Variants in NRCAM observed in about 807,000 individuals in gnomAD.
The protein encoded by NRCAM is neuronal cell adhesion molecule, also known as NgCAM-related cell adhesion molecule.
Under a neutral mutation model 156.5 loss-of-function variants are expected in NRCAM, and 83 were observed. The observed-to-expected ratio is 0.53, with a 90% CI of 0.44 to 0.64. The LOEUF is 0.64. Among genes scored for constraint, NRCAM ranks in the 30% least tolerant of loss-of-function variants. The pLI is 0.00. For synonymous variants in NRCAM, 538 were observed against 563.9 expected (o/e 0.95, Z 0.65); for missense variants, 1,417 against 1,597.3 (o/e 0.89, Z 1.92).
chr7:108,152,421 GGA>G (rs372928603), intron 32 of NRCAM, among the ~76,000 whole-genome samples: 11 of 151,014 alleles, frequency 7.3e-5, no homozygotes, highest in Non-Finnish European at 1.2e-4. Context: ...CTGGGGGGAG[GGA>G]GAGAGAGAGA....
chr7:108,170,462 C>T (rs1455125709), intron 28 of NRCAM, among the ~76,000 whole-genome samples: 3 of 152,154 alleles, frequency 2.0e-5, no homozygotes, highest in African/African-American at 4.8e-5. Flanking sequence ...GAGATAAATG[C>T]GTATCTGATT....
intron 32 of NRCAM, chr7:108,156,441 C>T (rs2045539392): frequency 1.0e-6 from 1 of 983,194 alleles, no homozygotes; most frequent in Admixed American, 6.2e-5. Flanking sequence ...GGATGCAGAT[C>T]CTACTGTCTG....
intron 11 of NRCAM, among the ~76,000 whole-genome samples, chr7:108,211,365 A>G (rs1316390958): frequency 6.6e-6 from 1 of 152,110 alleles, no homozygotes; most frequent in East Asian, 1.9e-4. Flanking sequence ...AACAATTTGA[A>G]CCAGACGAGA....
chr7:108,335,461 A>ATTTTTTTTTTTTTTTTTTT (rs2099173387), intron 2 of NRCAM, among the ~76,000 whole-genome samples: 1 of 25,548 alleles, frequency 3.9e-5, no homozygotes, highest in East Asian at 1.8e-3. Context: ...TTTTTTTTTC[A>ATTTTTTTTTTTTTTTTTTT]GTTTTCACTG....
At chr7:108,356,014 T>C (rs1268011311) in intron 2 of NRCAM, among the ~76,000 whole-genome samples, 1 of 151,712 alleles carries the variant, frequency 6.6e-6, no homozygotes, top group Non-Finnish European at 1.5e-5. Flanking sequence ...AGTGGCACCA[T>C]GTCGGCTCAT....
intron 3 of NRCAM, among the ~76,000 whole-genome samples, chr7:108,297,201 G>C (rs2098468456): frequency 1.3e-5 from 2 of 152,158 alleles, no homozygotes; most frequent in South Asian, 4.1e-4. Context: ...AAGATTTTGA[G>C]AACAGTTTCT....
intron 3 of NRCAM, among the ~76,000 whole-genome samples, chr7:108,263,435 G>A (rs2096960105): frequency 1.3e-5 from 2 of 152,218 alleles, no homozygotes; most frequent in Admixed American, 6.5e-5. Flanking sequence ...TTCACTAACA[G>A]GTGCAAAGGG....
At chr7:108,252,848 C>T (rs1029430360) in intron 3 of NRCAM, among the ~76,000 whole-genome samples, 1 of 152,198 alleles carries the variant, frequency 6.6e-6, no homozygotes, top group African/African-American at 2.4e-5. Flanking sequence ...CTAAACATTT[C>T]TGCGAAAATT....
rs139427569 is a variant in NRCAM, at chr7:108,404,148, G to A, written c.-331-4555C>T. The stretch of plus-strand genomic sequence containing the variant: ...ACTCTGGGTAAAGTAAAAGTGAAGT[G>A]CCTCAGAGGGAGAGCCCGATGCACG... On this transcript the variant is annotated intron_variant, in intron 1 of 32. Coordinates refer to ENST00000379028, the MANE Select transcript of NRCAM (RefSeq NM_001037132.4). 3.9e-3 allele frequency among the ~76,000 whole-genome samples: 599 copies of A among 152,274 alleles called. 2 individuals carry two copies. The highest frequency in any genetic ancestry group is 6.2e-3 in the Non-Finnish European group (424 of 68,016).
intron 2 of NRCAM, among the ~76,000 whole-genome samples, chr7:108,350,382 C>T (rs776257276): frequency 2.0e-5 from 3 of 152,186 alleles, no homozygotes; most frequent in Non-Finnish European, 4.4e-5. Context: ...ATCAGGTTTT[C>T]CTGGAGTGCT....
intron 11 of NRCAM, among the ~76,000 whole-genome samples, chr7:108,222,666 C>T (rs924042781): frequency 3.9e-5 from 6 of 152,060 alleles, no homozygotes; most frequent in South Asian, 2.1e-4. Context: ...TTTCCTGCCT[C>T]GGCCAGCGGA....
chr7:108,240,237 T>C, intron 3 of NRCAM, 67 bp from the exon 4 acceptor site: 1 of 521,378 alleles, frequency 1.9e-6, no homozygotes, highest in Non-Finnish European at 3.4e-6. Context: ...AGAGCGGAAG[T>C]CTGCAGCACA....
chr7:108,158,906 G>A (rs1375410125), intron 32 of NRCAM, among the ~76,000 whole-genome samples: 1 of 152,124 alleles, frequency 6.6e-6, no homozygotes, highest in African/African-American at 2.4e-5. Flanking sequence ...AGCCAAGAAT[G>A]TATTATCAAA....
intron 3 of NRCAM, among the ~76,000 whole-genome samples, chr7:108,242,199 C>T (rs1433135647): frequency 7.0e-6 from 1 of 143,100 alleles, no homozygotes. Flanking sequence ...TGCTTAGCTG[C>T]CGTGAACCGA....
At chr7:108,226,489 T>C (rs1589097795) in intron 8 of NRCAM, 111 bp from the exon 9 acceptor site, 2 of 677,470 alleles carry the variant, frequency 3.0e-6, no homozygotes, top group East Asian at 5.3e-5. Flanking sequence ...TTTGAATATA[T>C]TTTTTCTCTA....
chr7:108,451,258 T>C (rs1401681763), intron 1 of NRCAM, among the ~76,000 whole-genome samples: 1 of 150,164 alleles, frequency 6.7e-6, no homozygotes, highest in Non-Finnish European at 1.5e-5. Flanking sequence ...AAAGTAACAG[T>C]GATTGCACTT....
chr7:108,295,524 G>A (rs992417088), intron 3 of NRCAM, among the ~76,000 whole-genome samples: 7 of 152,124 alleles, frequency 4.6e-5, no homozygotes, highest in South Asian at 4.1e-4. Flanking sequence ...ACAGCTCCCC[G>A]GGGCCTCTTC....
rs768511437 is a variant in NRCAM, at chr7:108,207,643, G to A, written c.1092C>T (p.Ile364=). The change falls in exon 13 of 33, where the codon ATC becomes ATT. Residue 364 remains isoleucine, a synonymous_variant. Coordinates refer to ENST00000379028, the MANE Select transcript of NRCAM (RefSeq NM_001037132.4). ...SVRVKAAPYW[I]TAPQNLVLSP... ...ACAGCACAAGATTTTGAGGGGCTGT[G>A]ATCCAGTATGGAGCCGCTTTATAGG... 1.9e-6 allele frequency: 3 copies of A among 1,612,902 alleles called. No homozygotes were observed. The highest frequency in any genetic ancestry group is 1.7e-6 in the Non-Finnish European group (2 of 1,179,464).
chr7:108,454,141 T>C (rs1315263237), intron 1 of NRCAM, among the ~76,000 whole-genome samples: 2 of 152,202 alleles, frequency 1.3e-5, no homozygotes, highest in Non-Finnish European at 2.9e-5. Context: ...ACTTAAAAGC[T>C]AACAGGAATA....
Sources: gnomAD v4.1 joint callset for allele counts (sites outside exome capture counted in the v4.1 genomes callset) on GRCh38, gnomAD v4.1.1 for gene constraint, MANE v1.5 for transcripts, NCBI Gene and HGNC (gene_info 2026-07-23, HGNC 2026-07-21) for gene names.